Variants in FAM163A observed in about 807,000 individuals in gnomAD.
FAM163A encodes the protein family with sequence similarity 163 member A.
A neutral mutation model predicts 12.0 loss-of-function variants in FAM163A; 7 were observed. The ratio of observed to expected loss-of-function variants is 0.58; its 90% CI spans 0.33 to 1.10. The LOEUF is 1.10. FAM163A is among the 50% of genes least tolerant of loss of function. FAM163A has a pLI of 0.03. For missense variants in FAM163A, 202 were observed against 218.6 expected (o/e 0.92, Z 0.48); for synonymous variants, 101 against 91.0 (o/e 1.11, Z -0.62).
At chr1:179,749,693 AC>A (rs1396787732) in intron 1 of FAM163A, among the ~76,000 whole-genome samples, 6 of 80,126 alleles carry the variant, frequency 7.5e-5, no homozygotes, top group Non-Finnish European at 1.4e-4. Context: ...CCCCACCTCT[AC>A]TAAATATACA....
intron 1 of FAM163A, among the ~76,000 whole-genome samples, chr1:179,755,045 G>A (rs897537600): frequency 9.2e-5 from 14 of 151,580 alleles, no homozygotes; most frequent in Admixed American, 2.0e-4. Flanking sequence ...GCTGAGGCAC[G>A]AGAATTGCTT....
At chr1:179,746,646 C>G (rs140715548) in intron 1 of FAM163A, among the ~76,000 whole-genome samples, 20 of 152,266 alleles carry the variant, frequency 1.3e-4, no homozygotes, top group African/African-American at 3.6e-4. Flanking sequence ...CCTTTTGTAC[C>G]TTTTGAATTC....
At chr1:179,735,495 C>CTTTTTTTT in the FAM163A span, among the ~76,000 whole-genome samples, 649 of 62,190 alleles carry the variant, frequency 0.01, 129 homozygotes, top group South Asian at 0.026. Context: ...GAGTTACATT[C>CTTTTTTTT]TTTTTTTTTT....
At chr1:179,736,946 T>C in the FAM163A span, among the ~76,000 whole-genome samples, 1 of 152,222 alleles carries the variant, frequency 6.6e-6, no homozygotes, top group East Asian at 1.9e-4. Context: ...TGACATTTCC[T>C]CAAATTTTAA....
chr1:179,733,477 A>C, the FAM163A span, among the ~76,000 whole-genome samples: 1 of 152,192 alleles, frequency 6.6e-6, no homozygotes, highest in Non-Finnish European at 1.5e-5. Context: ...GGAAATTATG[A>C]AAAACATGTA....
chr1:179,747,025 T>G (rs1050292805), intron 1 of FAM163A, among the ~76,000 whole-genome samples: 3 of 152,056 alleles, frequency 2.0e-5, no homozygotes, highest in African/African-American at 7.2e-5. Context: ...TTGTACAGGA[T>G]AAAGTGTCAG....
chr1:179,741,561 G>T (rs1244777987), upstream of FAM163A, among the ~76,000 whole-genome samples: 5 of 152,222 alleles, frequency 3.3e-5, no homozygotes, highest in Admixed American at 6.5e-5. Context: ...CAAAGAAATT[G>T]TGATATGTCC....
At chr1:179,781,484 A>G (rs1689724428) in intron 1 of FAM163A, among the ~76,000 whole-genome samples, 1 of 151,926 alleles carries the variant, frequency 6.6e-6, no homozygotes, top group Non-Finnish European at 1.5e-5. Context: ...AGGGGCTCAA[A>G]TGAGCAGGCA....
At chr1:179,748,407 A>G (rs1341265331) in intron 1 of FAM163A, among the ~76,000 whole-genome samples, 1 of 152,186 alleles carries the variant, frequency 6.6e-6, no homozygotes, top group African/African-American at 2.4e-5. Context: ...TAGTTTTTAA[A>G]AAAAATCACC....
At chr1:179,728,551 G>A in the FAM163A span, among the ~76,000 whole-genome samples, 2 of 152,152 alleles carry the variant, frequency 1.3e-5, no homozygotes, top group African/African-American at 2.4e-5. Flanking sequence ...AGATGTAAGA[G>A]CACCCAGTGA....
chr1:179,795,092 C>T (rs1692087870), intron 1 of FAM163A, among the ~76,000 whole-genome samples: 1 of 152,150 alleles, frequency 6.6e-6, no homozygotes. Context: ...AGAGGGCTAT[C>T]AGAGTGACTA....
At position 179,813,999 on chromosome 1, in the gene FAM163A, T is replaced by C. The variant is rs751711891; in HGVS notation, c.314T>C (p.Phe105Ser). The stretch of plus-strand genomic sequence containing the variant: ...ACCTGCTCCCCATACAGCTCCCCCT[T>C]TTACATACGGACGGCTGACATGGTG... ...CTTCSPYSSP[F>S]YIRTADMVPN... Residue 105 changes from phenylalanine (F) to serine (S), a missense_variant, in exon 5 of 5, where the codon TTT (phenylalanine) becomes TCT (serine). Coordinates refer to ENST00000341785, the MANE Select transcript of FAM163A (RefSeq NM_173509.3). The C allele has an allele frequency of 6.2e-7, 1 of 1,613,194 alleles. No homozygotes were observed. The highest frequency in any genetic ancestry group is 8.5e-7 in the Non-Finnish European group (1 of 1,179,380).
chr1:179,813,077 G>C lies in FAM163A; in HGVS notation c.-21G>C. The C allele has an allele frequency of 6.4e-7, 1 of 1,551,604 alleles. No individual in the cohort carries two copies. The highest frequency in any genetic ancestry group is 8.7e-7 in the Non-Finnish European group (1 of 1,146,914). On this transcript the variant is annotated splice_region_variant and 5_prime_UTR_variant, in exon 4 of 5. Transcript: ENST00000341785. Reference sequence around the variant, plus strand: ...TCAGCCCTCCGCACATCTTTGCAGAGTTTGATGGGGCGCCGGGCGGATGAC... The same window carrying C: ...TCAGCCCTCCGCACATCTTTGCAGACTTTGATGGGGCGCCGGGCGGATGAC...
At chr1:179,778,793 G>A (rs912841746) in intron 1 of FAM163A, among the ~76,000 whole-genome samples, 2 of 152,182 alleles carry the variant, frequency 1.3e-5, no homozygotes, top group Admixed American at 6.5e-5. Flanking sequence ...AGAGTATAAG[G>A]AAATAGGTGC....
intron 1 of FAM163A, among the ~76,000 whole-genome samples, chr1:179,765,269 A>C (rs1239056338): frequency 6.6e-6 from 1 of 152,212 alleles, no homozygotes; most frequent in Non-Finnish European, 1.5e-5. Context: ...TTGAACATGC[A>C]CACACAGCAC....
At chr1:179,798,281 G>T (rs559488547) in intron 1 of FAM163A, among the ~76,000 whole-genome samples, 1 of 152,216 alleles carries the variant, frequency 6.6e-6, no homozygotes, top group Non-Finnish European at 1.5e-5. Context: ...AGCTCTCTAA[G>T]TGAGGGTGGA....
At chr1:179,736,676 G>A in the FAM163A span, among the ~76,000 whole-genome samples, 12 of 152,090 alleles carry the variant, frequency 7.9e-5, no homozygotes, top group African/African-American at 2.4e-4. Context: ...AGCCAGGCGC[G>A]GTGGCAGCCT....
intron 1 of FAM163A, among the ~76,000 whole-genome samples, chr1:179,760,404 T>C (rs1287236120): frequency 6.6e-6 from 1 of 152,132 alleles, no homozygotes; most frequent in East Asian, 1.9e-4. Context: ...TCTATACGCA[T>C]GAGGTGTTGA....
At chr1:179,749,250 A>G (rs1256346062) in intron 1 of FAM163A, among the ~76,000 whole-genome samples, 1 of 152,234 alleles carries the variant, frequency 6.6e-6, no homozygotes. Context: ...AAAAAGGAAA[A>G]GCATGGTCTC....
Sources: gnomAD v4.1 joint callset for allele counts (sites outside exome capture counted in the v4.1 genomes callset) on GRCh38, gnomAD v4.1.1 for gene constraint, MANE v1.5 for transcripts, NCBI Gene and HGNC (gene_info 2026-07-23, HGNC 2026-07-21) for gene names.